SLC35F1: variants seen among roughly 807,000 people sequenced by gnomAD.
SLC35F1 encodes solute carrier family 35 member F1.
In SLC35F1, 14 loss-of-function variants were observed where a neutral mutation model predicts 48.7. The ratio of observed to expected loss-of-function variants is 0.29; its 90% CI spans 0.19 to 0.45. The LOEUF (loss-of-function observed/expected upper bound fraction) is 0.45, where lower values mean the gene tolerates loss of function less well. SLC35F1 is among the 20% of genes least tolerant of loss of function. The pLI is 1.00. For missense variants in SLC35F1, 404 were observed against 500.0 expected (o/e 0.81, Z 1.83); for synonymous variants, 190 against 202.2 (o/e 0.94, Z 0.51).
chr6:118,316,950 T>C lies in SLC35F1; in HGVS notation c.*2698T>C, dbSNP rs952764815. The C allele has an allele frequency of 2.6e-5, 4 of 152,628 alleles. No individual in the cohort carries two copies. The highest frequency in any genetic ancestry group is 5.9e-5 in the Non-Finnish European group (4 of 68,036). The allele number at this position is 152,628 out of a possible 1,614,324, so 9.5% of individuals were successfully genotyped here. On this transcript the variant is annotated 3_prime_UTR_variant, in exon 8 of 8. Transcript: ENST00000360388. ...AATCGCAAAGAACAAATTCTTTTTC[T>C]GTGTAAAAAACACTGATCCTTTGGG...
At chr6:118,201,256 A>G (rs1774870432) in intron 2 of SLC35F1, among the ~76,000 whole-genome samples, 1 of 152,172 alleles carries the variant, frequency 6.6e-6, no homozygotes, top group Non-Finnish European at 1.5e-5. Context: ...AGAATTTGCC[A>G]AAGATCAGGT....
chr6:118,158,170 C>G (rs971454145), intron 2 of SLC35F1, among the ~76,000 whole-genome samples: 2 of 152,180 alleles, frequency 1.3e-5, no homozygotes, highest in African/African-American at 4.8e-5. Flanking sequence ...GCTGGCATGT[C>G]TTCATTTGGG....
chr6:117,981,475 C>G (rs1050441728), intron 1 of SLC35F1, among the ~76,000 whole-genome samples: 1 of 152,000 alleles, frequency 6.6e-6, no homozygotes, highest in Admixed American at 6.6e-5. Context: ...ATGGTGTTGT[C>G]ACAGTGCATG....
At chr6:118,117,427 CA>C (rs1368574740) in intron 1 of SLC35F1, among the ~76,000 whole-genome samples, 2 of 152,058 alleles carry the variant, frequency 1.3e-5, no homozygotes, top group Non-Finnish European at 2.9e-5. Flanking sequence ...ATTCTGAAAA[CA>C]TAAATAGAAG....
At chr6:117,919,041 G>A (rs903455175) in intron 1 of SLC35F1, among the ~76,000 whole-genome samples, 23 of 152,068 alleles carry the variant, frequency 1.5e-4, no homozygotes, top group African/African-American at 5.3e-4. Flanking sequence ...GACTACAGGT[G>A]TGCACCACCA....
intron 1 of SLC35F1, among the ~76,000 whole-genome samples, chr6:117,989,751 T>G (rs141596101): frequency 1.5e-4 from 23 of 152,260 alleles, no homozygotes; most frequent in African/African-American, 4.1e-4. Flanking sequence ...AGTTTATAAG[T>G]AGAATAAAGT....
chr6:118,155,657 A>G lies in SLC35F1; in HGVS notation c.349+1037A>G, dbSNP rs76925679. Among the ~76,000 whole-genome samples the G allele has an allele frequency of 8.7e-3, 1,326 of 152,364 alleles. 18 individuals carry two copies. Among genetic ancestry groups the G allele is most frequent in the African/African-American group, 0.03 (1,256 of 41,578 alleles). On this transcript the variant is annotated intron_variant, in intron 2 of 7. Coordinates refer to ENST00000360388, the MANE Select transcript of SLC35F1 (RefSeq NM_001029858.4). Reference sequence around the variant, plus strand: ...GGAATATGTTATTCATTATAGCAGCACAAAATGGTTAGCACAAGGTGTAAG... The same window carrying G: ...GGAATATGTTATTCATTATAGCAGCGCAAAATGGTTAGCACAAGGTGTAAG...
intron 1 of SLC35F1, among the ~76,000 whole-genome samples, chr6:118,140,108 C>T (rs1460046490): frequency 2.6e-5 from 4 of 152,032 alleles, no homozygotes; most frequent in African/African-American, 9.7e-5. Context: ...CCTGTGTGCC[C>T]GTGAAGAGTC....
At chr6:118,297,562 A>T (rs1489764463) in intron 7 of SLC35F1, among the ~76,000 whole-genome samples, 1 of 150,322 alleles carries the variant, frequency 6.7e-6, no homozygotes, top group Admixed American at 6.7e-5. Flanking sequence ...CTTTGAAAAC[A>T]TGTCTACTCT....
chr6:118,221,082 T>C (rs1201063982), intron 2 of SLC35F1, among the ~76,000 whole-genome samples: 2 of 152,178 alleles, frequency 1.3e-5, no homozygotes, highest in Admixed American at 1.3e-4. Flanking sequence ...TATAATTGTG[T>C]TAGATATTAC....
At chr6:118,259,422 C>T (rs952924455) in intron 3 of SLC35F1, among the ~76,000 whole-genome samples, 5 of 151,984 alleles carry the variant, frequency 3.3e-5, no homozygotes, top group African/African-American at 1.2e-4. Flanking sequence ...TAGGCAGAAG[C>T]TCATATTTAA....
intron 1 of SLC35F1, among the ~76,000 whole-genome samples, chr6:117,990,282 A>G (rs1776901127): frequency 1.3e-5 from 2 of 152,156 alleles, no homozygotes; most frequent in African/African-American, 4.8e-5. Flanking sequence ...CCAGACCTGT[A>G]TACTAAGGAA....
At chr6:118,286,481 T>C (rs1045389125) in intron 7 of SLC35F1, among the ~76,000 whole-genome samples, 1 of 152,092 alleles carries the variant, frequency 6.6e-6, no homozygotes, top group African/African-American at 2.4e-5. Context: ...AAGAAACCGA[T>C]GCAGAAGGGC....
intron 2 of SLC35F1, among the ~76,000 whole-genome samples, chr6:118,208,207 C>T (rs1774962015): frequency 1.3e-5 from 2 of 152,330 alleles, no homozygotes; most frequent in Admixed American, 1.3e-4. Flanking sequence ...TGCTTGTGCA[C>T]ACAGGGGCTG....
intron 1 of SLC35F1, among the ~76,000 whole-genome samples, chr6:118,002,929 C>T (rs867124626): frequency 3.9e-5 from 6 of 152,108 alleles, no homozygotes; most frequent in Middle Eastern, 3.2e-3. Flanking sequence ...GTTATATGTG[C>T]ATTCTCAAGG....
chr6:118,099,015 G>A (rs1211913703), intron 1 of SLC35F1, among the ~76,000 whole-genome samples: 4 of 152,148 alleles, frequency 2.6e-5, no homozygotes, highest in African/African-American at 9.7e-5. Flanking sequence ...ATGGGCCGTA[G>A]ATCCAAGGGA....
intron 1 of SLC35F1, among the ~76,000 whole-genome samples, chr6:117,915,529 G>A (rs974523638): frequency 2.0e-5 from 3 of 152,064 alleles, no homozygotes; most frequent in Non-Finnish European, 2.9e-5. Context: ...AGGATGAGCC[G>A]TTCATGGAAG....
intron 1 of SLC35F1, among the ~76,000 whole-genome samples, chr6:117,973,235 T>C (rs1776665895): frequency 1.3e-5 from 2 of 152,176 alleles, no homozygotes; most frequent in African/African-American, 2.4e-5. Context: ...TCTCTTCTTA[T>C]AAAGACAGCA....
chr6:117,915,267 G>A (rs1775812659), intron 1 of SLC35F1, among the ~76,000 whole-genome samples: 1 of 152,124 alleles, frequency 6.6e-6, no homozygotes, highest in African/African-American at 2.4e-5. Flanking sequence ...TACCTTATAA[G>A]GCATATACTT....
Sources: gnomAD v4.1 joint callset for allele counts (sites outside exome capture counted in the v4.1 genomes callset) on GRCh38, gnomAD v4.1.1 for gene constraint, MANE v1.5 for transcripts, NCBI Gene and HGNC (gene_info 2026-07-23, HGNC 2026-07-21) for gene names.